C1orf21: variants seen among roughly 807,000 people sequenced by gnomAD.
C1orf21 encodes the protein chromosome 1 open reading frame 21.
A neutral mutation model predicts 18.7 loss-of-function variants in C1orf21; 3 were observed. The ratio of observed to expected loss-of-function variants is 0.16; its 90% CI spans 0.07 to 0.42. The LOEUF is 0.42. Ranked by LOEUF, C1orf21 falls within the 10% of genes least tolerant of loss-of-function variation. The pLI is 0.99. For synonymous variants in C1orf21, 41 were observed against 46.4 expected (o/e 0.88, Z 0.47); for missense variants, 104 against 143.6 (o/e 0.72, Z 1.41).
intron 2 of C1orf21, among the ~76,000 whole-genome samples, chr1:184,479,575 C>T (rs1037136758): frequency 1.3e-5 from 2 of 150,840 alleles, no homozygotes; most frequent in African/African-American, 4.9e-5. Flanking sequence ...CTTTCTTTCT[C>T]CATGTTGTTT....
At chr1:184,582,914 C>T (rs1461821660) in intron 3 of C1orf21, among the ~76,000 whole-genome samples, 4 of 152,176 alleles carry the variant, frequency 2.6e-5, no homozygotes, top group Non-Finnish European at 1.5e-5. Context: ...TCTCAGCTCA[C>T]TGAAACCTCC....
In C1orf21 at chr1:184,573,563, A is replaced by G. The variant is rs1275723610; in HGVS notation, c.190-17176A>G. On this transcript the variant is annotated intron_variant, in intron 3 of 5. Coordinates refer to ENST00000235307, the MANE Select transcript of C1orf21 (RefSeq NM_030806.4). ...GTTTGTATATTTTATTTTCACATTG[A>G]AAGTCAGATTTGCTTCAGCCTCAAA... Among the ~76,000 whole-genome samples, 3 of 152,264 alleles carry G rather than the reference A, an allele frequency of 2.0e-5. No individual in the cohort carries two copies. In the East Asian group the frequency reaches 5.8e-4, roughly 29 times the overall value.
At chr1:184,518,428 C>T (rs763110171) in intron 3 of C1orf21, among the ~76,000 whole-genome samples, 3 of 152,306 alleles carry the variant, frequency 2.0e-5, no homozygotes, top group Middle Eastern at 3.4e-3. Context: ...AGTTATGGCA[C>T]AGCATGCTTG....
At position 184,484,959 on chromosome 1, in the gene C1orf21, T is replaced by C. The variant is rs746234920; in HGVS notation, c.94+7356T>C. Reference sequence around the variant, plus strand: ...CCAATCTATTACTCATCTAAAATGCTGTGAGACCTATTTCACAAGGTTATG... The same window carrying C: ...CCAATCTATTACTCATCTAAAATGCCGTGAGACCTATTTCACAAGGTTATG... On this transcript the variant is annotated intron_variant, in intron 2 of 5. Coordinates refer to ENST00000235307, the MANE Select transcript of C1orf21 (RefSeq NM_030806.4). Among the ~76,000 whole-genome samples the C allele has an allele frequency of 3.9e-5, 6 of 152,004 alleles. 1 individual carries two copies. The highest frequency in any genetic ancestry group is 5.9e-5 in the Non-Finnish European group (4 of 68,012).
chr1:184,480,992 T>C (rs1657646237), intron 2 of C1orf21, among the ~76,000 whole-genome samples: 2 of 152,032 alleles, frequency 1.3e-5, no homozygotes, highest in African/African-American at 4.8e-5. Context: ...CTTGAGGCAA[T>C]CTCCTTGTGG....
intron 1 of C1orf21, among the ~76,000 whole-genome samples, chr1:184,451,801 C>G (rs1391149341): frequency 6.6e-6 from 1 of 152,180 alleles, no homozygotes; most frequent in Non-Finnish European, 1.5e-5. Flanking sequence ...GCCTCTTGTG[C>G]TCCAAGTTCA....
At chr1:184,596,189 T>C (rs967595408) in intron 4 of C1orf21, among the ~76,000 whole-genome samples, 1 of 152,186 alleles carries the variant, frequency 6.6e-6, no homozygotes, top group Non-Finnish European at 1.5e-5. Context: ...GTTGCAGTTT[T>C]CATGTTGTGG....
At chr1:184,515,149 T>C (rs1658204753) in intron 3 of C1orf21, among the ~76,000 whole-genome samples, 1 of 152,370 alleles carries the variant, frequency 6.6e-6, no homozygotes, top group South Asian at 2.1e-4. Context: ...CATTCTTGGC[T>C]ATTTTCCTGT....
intron 1 of C1orf21, among the ~76,000 whole-genome samples, chr1:184,450,162 G>A (rs1571363585): frequency 6.6e-6 from 1 of 152,276 alleles, no homozygotes; most frequent in East Asian, 1.9e-4. Context: ...ACCTTGTAGA[G>A]TGCTTGCATG....
rs570989490 is a variant in C1orf21 at position 184,614,000 on chromosome 1, C to T, written c.328-5518C>T. On this transcript the variant is annotated intron_variant, in intron 5 of 5. Transcript: ENST00000235307. The stretch of plus-strand genomic sequence containing the variant: ...CCAGCCTGGGTGGCAGAGCAAGACT[C>T]TCTCTGAAGAAATAAAAATAAAGAG... Among the ~76,000 whole-genome samples, 4 of 152,200 alleles carry T rather than the reference C, an allele frequency of 2.6e-5. No homozygotes were observed. The East Asian group carries it at 5.8e-4, about 22-fold the overall frequency.
At chr1:184,420,197 C>T (rs1422341770) in intron 1 of C1orf21, among the ~76,000 whole-genome samples, 1 of 148,930 alleles carries the variant, frequency 6.7e-6, no homozygotes, top group East Asian at 2.0e-4. Flanking sequence ...TTAGGTTGTG[C>T]AAGAAGAAAA....
In C1orf21 at chr1:184,436,103, T is replaced by G. The variant is rs1260030444; in HGVS notation, c.-124-41283T>G. Among the ~76,000 whole-genome samples the G allele has an allele frequency of 2.6e-5, 4 of 151,958 alleles. No homozygotes were observed. The East Asian group carries it at 7.7e-4, about 29-fold the overall frequency. ...AATGATCCAATAGAAAGGGAGATGC[T>G]GGTGATGGATGCAGGAGAAGGGAAA... On this transcript the variant is annotated intron_variant, in intron 1 of 5. Coordinates refer to ENST00000235307, the MANE Select transcript of C1orf21 (RefSeq NM_030806.4).
At chr1:184,441,040 T>A (rs1296099737) in intron 1 of C1orf21, among the ~76,000 whole-genome samples, 1 of 152,222 alleles carries the variant, frequency 6.6e-6, no homozygotes, top group African/African-American at 2.4e-5. Flanking sequence ...TACCTACTCC[T>A]TTTGGAGAGG....
At chr1:184,423,180 C>T (rs775338733) in intron 1 of C1orf21, among the ~76,000 whole-genome samples, 5 of 152,168 alleles carry the variant, frequency 3.3e-5, no homozygotes, top group Non-Finnish European at 7.3e-5. Context: ...TGCTGAATAA[C>T]TGCTGAAAGT....
intron 5 of C1orf21, among the ~76,000 whole-genome samples, chr1:184,613,931 TG>T (rs1386494444): frequency 6.6e-6 from 1 of 151,912 alleles, no homozygotes; most frequent in Non-Finnish European, 1.5e-5. Flanking sequence ...TGCTTGAACC[TG>T]GGAGGTGGAG....
intron 3 of C1orf21, among the ~76,000 whole-genome samples, chr1:184,520,617 T>C (rs1658293092): frequency 6.6e-6 from 1 of 152,214 alleles, no homozygotes; most frequent in Non-Finnish European, 1.5e-5. Context: ...CAATCTCTGC[T>C]GGCCAGGAGA....
At chr1:184,591,810 A>C (rs1156961330) in intron 4 of C1orf21, among the ~76,000 whole-genome samples, 1 of 141,442 alleles carries the variant, frequency 7.1e-6, no homozygotes, top group Admixed American at 7.0e-5. Flanking sequence ...CATCTCAAGG[A>C]AAAAAAAAAA....
chr1:184,515,186 G>A (rs905618024), intron 3 of C1orf21, among the ~76,000 whole-genome samples: 1 of 152,202 alleles, frequency 6.6e-6, no homozygotes, highest in African/African-American at 2.4e-5. Flanking sequence ...GTTGGGTCAG[G>A]TGGGAATGGA....
At chr1:184,476,019 G>T (rs2101989994) in intron 1 of C1orf21, among the ~76,000 whole-genome samples, 1 of 152,180 alleles carries the variant, frequency 6.6e-6, no homozygotes, top group Admixed American at 6.5e-5. Context: ...AATATTTATG[G>T]CAATTTGTAT....
Sources: allele counts gnomAD v4.1 joint callset (sites outside exome capture counted in the v4.1 genomes callset), GRCh38; gene constraint gnomAD v4.1.1; transcripts MANE v1.5; gene names NCBI Gene and HGNC (gene_info 2026-07-23, HGNC 2026-07-21).